Variants in TAFA1 observed in about 807,000 individuals in gnomAD.
TAFA1 encodes chemokine-like protein TAFA-1.
A neutral mutation model predicts 18.5 loss-of-function variants in TAFA1; 4 were observed. The ratio of observed to expected loss-of-function variants is 0.22; its 90% CI spans 0.11 to 0.49. The LOEUF (loss-of-function observed/expected upper bound fraction) is 0.49. Among genes scored for constraint, TAFA1 ranks in the 20% least tolerant of loss-of-function variants. The pLI, the probability that TAFA1 is intolerant of heterozygous loss-of-function variation, is 0.98. For missense variants in TAFA1, 147 were observed against 169.0 expected (o/e 0.87, Z 0.72); for synonymous variants, 56 against 55.2 (o/e 1.01, Z -0.06).
chr3:68,183,549 T>A (rs1442708499), intron 2 of TAFA1, among the ~76,000 whole-genome samples: 1 of 152,150 alleles, frequency 6.6e-6, no homozygotes, highest in Non-Finnish European at 1.5e-5. Flanking sequence ...GACTGTTGGA[T>A]CCTGTATATC....
intron 2 of TAFA1, among the ~76,000 whole-genome samples, chr3:68,180,724 G>A (rs1559549726): frequency 6.6e-6 from 1 of 150,556 alleles, no homozygotes; most frequent in Non-Finnish European, 1.5e-5. Flanking sequence ...AGACCTTTAT[G>A]TGTGTGGTCA....
At chr3:68,240,282 T>G (rs756542467) in intron 2 of TAFA1, among the ~76,000 whole-genome samples, 20 of 152,158 alleles carry the variant, frequency 1.3e-4, no homozygotes, top group Non-Finnish European at 2.2e-4. Context: ...ACAGTAACAT[T>G]GCATGTGTAA....
At chr3:68,019,908 T>C (rs564333639) in intron 2 of TAFA1, among the ~76,000 whole-genome samples, 1 of 152,230 alleles carries the variant, frequency 6.6e-6, no homozygotes, top group Non-Finnish European at 1.5e-5. Context: ...TACTATATGC[T>C]TTGTGTTTGA....
chr3:68,296,657 GA>G (rs1183920362), intron 2 of TAFA1, among the ~76,000 whole-genome samples: 1 of 151,938 alleles, frequency 6.6e-6, no homozygotes, highest in Non-Finnish European at 1.5e-5. Flanking sequence ...AGTCTCTATG[GA>G]TACACTTCCT....
chr3:68,301,562 T>A (rs1323381458), intron 2 of TAFA1, among the ~76,000 whole-genome samples: 3 of 151,634 alleles, frequency 2.0e-5, no homozygotes, highest in Non-Finnish European at 4.4e-5. Context: ...TGGTGAGGAG[T>A]AAAGTGGCCC....
At chr3:68,293,318 C>T (rs2068147028) in intron 2 of TAFA1, among the ~76,000 whole-genome samples, 1 of 152,150 alleles carries the variant, frequency 6.6e-6, no homozygotes, top group Admixed American at 6.5e-5. Flanking sequence ...ATAGGTGCAG[C>T]AAACCACCAT....
chr3:68,509,448 C>T (rs1021943558), intron 3 of TAFA1, among the ~76,000 whole-genome samples: 8 of 152,044 alleles, frequency 5.3e-5, no homozygotes, highest in African/African-American at 1.9e-4. Flanking sequence ...CACTCTTCCA[C>T]TAGGTTAGGC....
chr3:68,035,651 A>G (rs1484496299), intron 2 of TAFA1, among the ~76,000 whole-genome samples: 2 of 152,230 alleles, frequency 1.3e-5, no homozygotes, highest in Non-Finnish European at 2.9e-5. Flanking sequence ...ACATACATTT[A>G]CTTTACGATG....
intron 2 of TAFA1, among the ~76,000 whole-genome samples, chr3:68,310,521 A>G (rs544841895): frequency 1.1e-4 from 16 of 152,314 alleles, no homozygotes; most frequent in African/African-American, 3.6e-4. Context: ...TTTCCAATTT[A>G]TAGTTTATAT....
intron 2 of TAFA1, among the ~76,000 whole-genome samples, chr3:68,306,844 T>C (rs1294758911): frequency 1.3e-5 from 2 of 152,212 alleles, no homozygotes; most frequent in Non-Finnish European, 2.9e-5. Flanking sequence ...TCATACCATG[T>C]TTCCCCTGAG....
chr3:68,324,923 G>A (rs888988684), intron 2 of TAFA1, among the ~76,000 whole-genome samples: 2 of 152,172 alleles, frequency 1.3e-5, no homozygotes, highest in South Asian at 2.1e-4. Context: ...ATGCTCAGAC[G>A]TGGTTAGAAA....
chr3:68,235,575 T>C (rs1359077910), intron 2 of TAFA1, among the ~76,000 whole-genome samples: 1 of 152,186 alleles, frequency 6.6e-6, no homozygotes, highest in African/African-American at 2.4e-5. Context: ...AATTTCTATT[T>C]CCAGTTTTCC....
In TAFA1 at chr3:68,321,011, C is replaced by T. The variant is rs1200044491; in HGVS notation, c.119-96269C>T. ...CACTTTTCATATACATTGGGGGCCA[C>T]ACAGACTATATTACAGAATGGGCTT... On this transcript the variant is annotated intron_variant, in intron 2 of 4. Coordinates refer to ENST00000478136, the MANE Select transcript of TAFA1 (RefSeq NM_213609.4). Among the ~76,000 whole-genome samples the T allele has an allele frequency of 9.9e-5, 15 of 152,156 alleles. 1 individual carries two copies. The highest frequency in any genetic ancestry group is 9.8e-4 in the Admixed American group (15 of 15,274).
intron 2 of TAFA1, among the ~76,000 whole-genome samples, chr3:68,069,859 A>G (rs1188394258): frequency 1.3e-5 from 2 of 152,226 alleles, no homozygotes; most frequent in Admixed American, 1.3e-4. Flanking sequence ...CTTTGAATCC[A>G]TGTCTCACAT....
chr3:68,049,665 A>G (rs1212680147), intron 2 of TAFA1, among the ~76,000 whole-genome samples: 1 of 151,790 alleles, frequency 6.6e-6, no homozygotes, highest in South Asian at 2.1e-4. Flanking sequence ...AAGGAGGTGT[A>G]CAGATGTTAA....
intron 2 of TAFA1, among the ~76,000 whole-genome samples, chr3:68,016,620 G>A (rs780574151): frequency 6.6e-6 from 1 of 152,128 alleles, no homozygotes; most frequent in Non-Finnish European, 1.5e-5. Context: ...CTAGGTCTGT[G>A]TAAGTACACT....
intron 2 of TAFA1, among the ~76,000 whole-genome samples, chr3:68,119,204 G>A (rs2065358944): frequency 6.6e-6 from 1 of 151,932 alleles, no homozygotes; most frequent in Non-Finnish European, 1.5e-5. Context: ...TCAAGTCTTT[G>A]CCTAATCTTT....
chr3:68,026,028 A>G (rs1704806990), intron 2 of TAFA1, among the ~76,000 whole-genome samples: 1 of 152,194 alleles, frequency 6.6e-6, no homozygotes, highest in Non-Finnish European at 1.5e-5. Context: ...ATATTTGCTG[A>G]CTAAATGAAT....
At chr3:68,091,313 T>A (rs1575611667) in intron 2 of TAFA1, among the ~76,000 whole-genome samples, 1 of 152,184 alleles carries the variant, frequency 6.6e-6, no homozygotes, top group African/African-American at 2.4e-5. Flanking sequence ...GAACAAATGG[T>A]ATATCTTAAA....
Sources: gnomAD v4.1 joint callset for allele counts (sites outside exome capture counted in the v4.1 genomes callset) on GRCh38, gnomAD v4.1.1 for gene constraint, MANE v1.5 for transcripts, NCBI Gene and HGNC (gene_info 2026-07-23, HGNC 2026-07-21) for gene names.